The following DNAH12 variants were observed in gnomAD, a reference collection of about 807,000 sequenced individuals.
DNAH12 encodes the protein dynein axonemal heavy chain 12, also known as axonemal beta dynein heavy chain 12.
A neutral mutation model predicts 371.5 loss-of-function variants in DNAH12; 285 were observed. The observed-to-expected ratio is 0.77, with a 90% CI of 0.70 to 0.85. DNAH12 has a LOEUF of 0.85. DNAH12 is among the 40% of genes least tolerant of loss of function. The pLI is 0.00. For synonymous variants in DNAH12, 1,200 were observed against 1,213.0 expected, an observed-to-expected ratio of 0.99 and a Z score of 0.22; for missense variants, 3,611 against 3,689.4, an observed-to-expected ratio of 0.98 and a Z score of 0.55.
At chr3:57,447,478 AG>A (rs1283673370) in intron 25 of DNAH12, among the ~76,000 whole-genome samples, 4 of 152,302 alleles carry the variant, frequency 2.6e-5, no homozygotes, top group East Asian at 1.9e-4. Context: ...TGTGCATGTA[AG>A]GGGGGTAGGG....
rs191379062 is a variant in DNAH12 at position 57,447,071 on chromosome 3, G to C, written c.3787-382C>G. On this transcript the variant is annotated intron_variant, in intron 25 of 73. Coordinates refer to ENST00000495027, the MANE Select transcript of DNAH12 (RefSeq NM_001366028.2). Reference sequence around the variant, plus strand: ...CAAAGGGGGTAAAACACCAGAAAGTGAGAGCTATAAATGGCACCCATGATT... The same window carrying C: ...CAAAGGGGGTAAAACACCAGAAAGTCAGAGCTATAAATGGCACCCATGATT... Among the ~76,000 whole-genome samples, 27 of 152,300 alleles carry C rather than the reference G, an allele frequency of 1.8e-4. No homozygotes were observed. In the Middle Eastern group the frequency reaches 0.024, roughly 134 times the overall value.
rs1463966209 is a variant in DNAH12 at position 57,471,617 on chromosome 3, GA to G, written c.1777-12del. 7.2e-6 allele frequency: 11 copies of G among 1,520,340 alleles called. No individual in the cohort carries two copies. Among genetic ancestry groups the G allele is most frequent in the Non-Finnish European group, 9.7e-6 (11 of 1,134,924 alleles). The allele number at this position is 1,520,340 out of a possible 1,614,324, so 94.2% of individuals were successfully genotyped here. On this transcript the variant is annotated splice_polypyrimidine_tract_variant and intron_variant, in intron 14 of 73. Coordinates refer to ENST00000495027, the MANE Select transcript of DNAH12 (RefSeq NM_001366028.2). ...AGCATTCTCAATTAGCTTTTTAAAAGACAATTTGATCATGTTAGTTAATCTG... is the reference window on the plus strand; with the variant it reads ...AGCATTCTCAATTAGCTTTTTAAAAGCAATTTGATCATGTTAGTTAATCTG...
At chr3:57,439,452 T>A (rs1427449715) in intron 29 of DNAH12, among the ~76,000 whole-genome samples, 1 of 152,190 alleles carries the variant, frequency 6.6e-6, no homozygotes, top group Non-Finnish European at 1.5e-5. Flanking sequence ...GAGAAAAGAC[T>A]TCCTATTCAA....
chr3:57,364,629 T>G (rs2063007421), intron 57 of DNAH12, among the ~76,000 whole-genome samples: 1 of 152,134 alleles, frequency 6.6e-6, no homozygotes, highest in Non-Finnish European at 1.5e-5. Context: ...TGGGATCTAA[T>G]TAAACTAAGG....
At chr3:57,447,349 G>C (rs1484996520) in intron 25 of DNAH12, among the ~76,000 whole-genome samples, 1 of 152,116 alleles carries the variant, frequency 6.6e-6, no homozygotes, top group African/African-American at 2.4e-5. Context: ...ACAATGACTG[G>C]AATAGTGGCT....
chr3:57,529,413 T>C (rs1327815579), intron 2 of DNAH12, among the ~76,000 whole-genome samples: 3 of 152,192 alleles, frequency 2.0e-5, no homozygotes, highest in Admixed American at 6.5e-5. Context: ...TTCAATCTCA[T>C]TACGTTATTG....
chr3:57,514,546 T>C (rs2068117849), intron 4 of DNAH12, among the ~76,000 whole-genome samples: 1 of 152,034 alleles, frequency 6.6e-6, no homozygotes, highest in African/African-American at 2.4e-5. Flanking sequence ...AGATTGGTTA[T>C]ATGAAAGAGT....
chr3:57,364,363 A>G (rs2063001443), intron 57 of DNAH12, among the ~76,000 whole-genome samples: 1 of 152,126 alleles, frequency 6.6e-6, no homozygotes, highest in South Asian at 2.1e-4. Context: ...ATGGTTACAT[A>G]TTTTCACTTT....
Position 57,446,137 on chromosome 3 carries a change from A to T in DNAH12, c.4073T>A (p.Val1358Glu). Residue 1358 changes from valine to glutamate, a missense_variant, in exon 27 of 74, where the codon GTG becomes GAG. Val to Glu is a moderately radical substitution (Grantham distance 121). Transcript: ENST00000495027. ...AAGTTCTGTCCCTTCAAAAACAAAC[A>T]CAACCAACTTCTGTTGAATAGCTCT... ...IQRAIQQKLV[V>E]FVFEGTELKL... 6.4e-7 allele frequency: 1 copy of T among 1,551,746 alleles called. No individual in the cohort carries two copies. Among genetic ancestry groups the T allele is most frequent in the Non-Finnish European group, 8.7e-7 (1 of 1,146,996 alleles).
intron 4 of DNAH12, among the ~76,000 whole-genome samples, chr3:57,514,472 A>T (rs142802942): frequency 6.6e-6 from 1 of 152,268 alleles, no homozygotes; most frequent in East Asian, 1.9e-4. Context: ...ATTTTGTGTA[A>T]GAAAACATAC....
At chr3:57,525,305 T>C (rs149930091) in intron 2 of DNAH12, among the ~76,000 whole-genome samples, 3,570 of 152,292 alleles carry the variant, frequency 0.023, 65 homozygotes, top group Middle Eastern at 0.034. Flanking sequence ...CATGAAGATG[T>C]AGGAGCTCAA....
intron 65 of DNAH12, 137 bp downstream of exon 65, chr3:57,322,206 T>C (rs2061822794): frequency 2.1e-6 from 2 of 933,238 alleles, no homozygotes; most frequent in East Asian, 2.8e-5. Context: ...AGTACAATTT[T>C]TGTCTTGTTA....
At chr3:57,481,050 G>C (rs2066725289) in intron 13 of DNAH12, among the ~76,000 whole-genome samples, 1 of 152,160 alleles carries the variant, frequency 6.6e-6, no homozygotes, top group Admixed American at 6.5e-5. Flanking sequence ...ATTCAACAAA[G>C]TGTTAGAAGT....
chr3:57,446,504 C>G, intron 26 of DNAH12, 33 bp downstream of exon 26: 1 of 1,507,132 alleles, frequency 6.6e-7, no homozygotes, highest in Non-Finnish European at 8.9e-7. Context: ...AAGTTTGAAA[C>G]ATTTAATATT....
At chr3:57,410,859 T>C (rs2064179652) in intron 39 of DNAH12, among the ~76,000 whole-genome samples, 1 of 148,774 alleles carries the variant, frequency 6.7e-6, no homozygotes, top group African/African-American at 2.5e-5. Flanking sequence ...AAACTAGGAA[T>C]AAAGGTAACT....
Position 57,471,541 on chromosome 3 carries a change from CA to C in DNAH12, c.1841del (p.Leu614TrpfsTer3). The C allele has an allele frequency of 6.5e-7, 1 of 1,549,316 alleles. No homozygotes were observed. Among genetic ancestry groups the C allele is most frequent in the Non-Finnish European group, 8.7e-7 (1 of 1,146,472 alleles). On this transcript the variant is annotated frameshift_variant, in exon 15 of 74. Transcript: ENST00000495027. LOFTEE classifies it high-confidence loss of function. Reference sequence around the variant, plus strand: ...TGCGGCGTGATTCTTTTTCTATTTCCAAAATAAGTTTCTCTCTCTTGGCCAT... The same window carrying C: ...TGCGGCGTGATTCTTTTTCTATTTCCAAATAAGTTTCTCTCTCTTGGCCAT... ...ELMAKREKLILEIEKESRRME... is the reference protein window; with the variant it reads ...ELMAKREKLIXEIEKESRRME...
At chr3:57,432,669 G>T (rs1161874119) in intron 32 of DNAH12, among the ~76,000 whole-genome samples, 2 of 152,010 alleles carry the variant, frequency 1.3e-5, no homozygotes, top group Admixed American at 1.3e-4. Flanking sequence ...AAACACTGAA[G>T]AATATGATTC....
chr3:57,408,155 C>T, intron 40 of DNAH12, 125 bp downstream of exon 40: 1 of 1,085,352 alleles, frequency 9.2e-7, no homozygotes, highest in Non-Finnish European at 1.2e-6. Context: ...TCTTCCTATT[C>T]TCTGGTCTTC....
chr3:57,462,854 T>A lies in DNAH12; in HGVS notation c.2371A>T (p.Ile791Phe). Reference protein sequence around the residue: ...AFKEYIPTVSILCNPGMRARH... With the variant: ...AFKEYIPTVSFLCNPGMRARH... Reference sequence around the variant, plus strand: ...GCTCTCATTCCTGGATTGCACAGAATGGAGACAGTAGGAATATATTCCTAA... The same window carrying A: ...GCTCTCATTCCTGGATTGCACAGAAAGGAGACAGTAGGAATATATTCCTAA... The change falls in exon 18 of 74, where the codon ATT (isoleucine) becomes TTT (phenylalanine). Residue 791 changes from isoleucine (I) to phenylalanine (F), a missense_variant. Physicochemically the swap from Ile to Phe is conservative, Grantham distance 21. Transcript: ENST00000495027. 6.4e-7 allele frequency: 1 copy of A among 1,551,342 alleles called. No individual in the cohort carries two copies. Among genetic ancestry groups the A allele is most frequent in the Middle Eastern group, 1.7e-4 (1 of 5,990 alleles).
Sources: gnomAD v4.1 joint callset for allele counts (sites outside exome capture counted in the v4.1 genomes callset) on GRCh38, gnomAD v4.1.1 for gene constraint, MANE v1.5 for transcripts, NCBI Gene and HGNC (gene_info 2026-07-23, HGNC 2026-07-21) for gene names.